The following ARHGEF9 variants were observed in gnomAD, a reference collection of about 807,000 sequenced individuals.
The protein encoded by ARHGEF9 is Cdc42 guanine nucleotide exchange factor 9, also known as rho guanine nucleotide exchange factor 9.
ARHGEF9 carries 2 observed loss-of-function variants against 41.3 expected under a neutral mutation model. That is an observed-to-expected ratio of 0.05 (90% CI 0.02 to 0.15). The LOEUF (loss-of-function observed/expected upper bound fraction) is 0.15, where lower values mean the gene tolerates loss of function less well. Ranked by LOEUF, ARHGEF9 falls within the 10% of genes least tolerant of loss-of-function variation. The probability of loss-of-function intolerance (pLI) is 1.00; values close to 1 mark genes in which losing one functional copy is unlikely to be tolerated. For missense variants in ARHGEF9, 225 were observed against 424.7 expected, an observed-to-expected ratio of 0.53 and a Z score of 4.13; for synonymous variants, 160 against 154.4, an observed-to-expected ratio of 1.04 and a Z score of -0.27.
chrX:63,668,383 C>T (rs112279726), intron 6 of ARHGEF9, among the ~76,000 whole-genome samples: 137 of 111,382 alleles, frequency 1.2e-3, no homozygotes, highest in Middle Eastern at 4.6e-3. Context: ...AGCGATCCAC[C>T]GACCTCAGCC....
rs1490998175 is a variant in ARHGEF9, at chrX:63,666,487, C to CACACACAT, written c.946-471_946-470insATGTGTGT. Among the ~76,000 whole-genome samples, 26 of 104,548 alleles carry CACACACAT rather than the reference C, an allele frequency of 2.5e-4. 1 individual carries two copies. The South Asian group carries it at 8.5e-3, about 34-fold the overall frequency. The allele number at this position is 104,548 out of a possible 115,157, so 90.8% of individuals were successfully genotyped here. A position where few individuals can be genotyped will look rare whatever the true frequency, so the allele number is the denominator to read the frequency against. ...ACACACACACACACACACACACACA[C>CACACACAT]ATATATATATTTCTCCATCTCTCTT... On this transcript the variant is annotated intron_variant, in intron 6 of 9. Transcript: ENST00000671741.
intron 4 of ARHGEF9, among the ~76,000 whole-genome samples, chrX:63,691,836 T>C (rs1443757415): frequency 9.0e-6 from 1 of 111,330 alleles, no homozygotes; most frequent in African/African-American, 3.3e-5. Flanking sequence ...CAAAAAAGCA[T>C]GGTACTGAAG....
intron 6 of ARHGEF9, chrX:63,671,387 T>G (rs1297839644): frequency 8.9e-6 from 1 of 112,154 alleles, no homozygotes; most frequent in African/African-American, 3.2e-5. Flanking sequence ...TCCCCAGCAC[T>G]CACCCACCAC....
intron 2 of ARHGEF9, among the ~76,000 whole-genome samples, chrX:63,706,756 A>G (rs2052573956): frequency 8.9e-6 from 1 of 112,272 alleles, no homozygotes; most frequent in Non-Finnish European, 1.9e-5. Flanking sequence ...CTTGAGTGCC[A>G]CATTTGGATT....
intron 1 of ARHGEF9, among the ~76,000 whole-genome samples, chrX:63,739,205 G>C (rs2054800075): frequency 8.9e-6 from 1 of 111,814 alleles, no homozygotes; most frequent in African/African-American, 3.3e-5. Context: ...AGGTGCGGGT[G>C]ACCAAGGTGG....
At chrX:63,725,222 C>T (rs1272395191) in intron 1 of ARHGEF9, among the ~76,000 whole-genome samples, 13 of 110,727 alleles carry the variant, frequency 1.2e-4, no homozygotes, top group Non-Finnish European at 2.5e-4. Context: ...CATAACATTC[C>T]TCACGCATAA....
At chrX:63,757,512 T>C (rs2055956630) in intron 1 of ARHGEF9, among the ~76,000 whole-genome samples, 1 of 111,950 alleles carries the variant, frequency 8.9e-6, no homozygotes, top group Non-Finnish European at 1.9e-5. Context: ...AGTCACACAC[T>C]GAGCTTGCCA....
chrX:63,636,789 C>G lies in ARHGEF9; in HGVS notation c.*1239G>C. 1 of 297,062 alleles carries G rather than the reference C, an allele frequency of 3.4e-6. No homozygotes were observed. The highest frequency in any genetic ancestry group is 5.9e-6 in the Non-Finnish European group (1 of 170,026). 24.5% of individuals were successfully genotyped at this position (297,062 alleles called of 1,213,427 possible). A position where few individuals can be genotyped will look rare whatever the true frequency, so the allele number is the denominator to read the frequency against. ...ATCTCTTTCCATTCCCATCCCTGTTCTTTCTTGTAAAAGGTTACTATCAGA... is the reference window on the plus strand; with the variant it reads ...ATCTCTTTCCATTCCCATCCCTGTTGTTTCTTGTAAAAGGTTACTATCAGA... On this transcript the variant is annotated 3_prime_UTR_variant, in exon 10 of 10. Coordinates refer to ENST00000671741, the MANE Select transcript of ARHGEF9 (RefSeq NM_001353921.2).
At chrX:63,744,799 C>T (rs1556431593) in intron 1 of ARHGEF9, among the ~76,000 whole-genome samples, 3 of 112,297 alleles carry the variant, frequency 2.7e-5, no homozygotes, top group Non-Finnish European at 3.8e-5. Context: ...TCTAAATTTA[C>T]AAGACATGAA....
At chrX:63,757,979 G>T (rs2055965107) in intron 1 of ARHGEF9, among the ~76,000 whole-genome samples, 2 of 112,447 alleles carry the variant, frequency 1.8e-5, no homozygotes, top group Non-Finnish European at 3.7e-5. Flanking sequence ...GTATTTAGAA[G>T]GAGGTGGTTG....
intron 4 of ARHGEF9, among the ~76,000 whole-genome samples, chrX:63,690,575 T>C (rs111937665): frequency 0.027 from 2,972 of 111,488 alleles, 95 homozygotes; most frequent in African/African-American, 0.092. Context: ...GAACTGATAA[T>C]AATTCTATGC....
chrX:63,695,618 A>G (rs1455516069), intron 4 of ARHGEF9, among the ~76,000 whole-genome samples: 2 of 111,999 alleles, frequency 1.8e-5, no homozygotes, highest in East Asian at 5.7e-4. Context: ...GAGTTATCGT[A>G]TCAGGCCTGA....
At chrX:63,651,369 G>T (rs1412781362) in intron 8 of ARHGEF9, among the ~76,000 whole-genome samples, 1 of 111,153 alleles carries the variant, frequency 9.0e-6, no homozygotes, top group Non-Finnish European at 1.9e-5. Flanking sequence ...CTTGATACAA[G>T]AAATGACAAA....
At position 63,638,035 on chromosome X, in the gene ARHGEF9, T is replaced by C. The variant is rs1556300736; in HGVS notation, c.1565A>G (p.Lys522Arg). Residue 522 changes from lysine to arginine, a missense_variant, in exon 10 of 10, where the codon AAA becomes AGA. Coordinates refer to ENST00000671741, the MANE Select transcript of ARHGEF9 (RefSeq NM_001353921.2). Reference sequence around the variant, plus strand: ...TCTGCCTCCCTGTAGGTATCATTTTTTGAAGGGGGTTAACCTGCTGAAGTT... The same window carrying C: ...TCTGCCTCCCTGTAGGTATCATTTTCTGAAGGGGGTTAACCTGCTGAAGTT... The part of the protein sequence containing the change: ...WQNFSRLTPF[K>R]K 1 of 1,209,496 alleles carries C rather than the reference T, an allele frequency of 8.3e-7. No homozygotes were observed.
chrX:63,748,751 G>A (rs1348466080), intron 1 of ARHGEF9, among the ~76,000 whole-genome samples: 1 of 111,867 alleles, frequency 8.9e-6, no homozygotes, highest in Admixed American at 9.4e-5. Context: ...CCTGGCATGG[G>A]TATTTAAAAA....
At chrX:63,650,959 G>T (rs782328359) in intron 8 of ARHGEF9, among the ~76,000 whole-genome samples, 1 of 110,287 alleles carries the variant, frequency 9.1e-6, no homozygotes, top group South Asian at 3.9e-4. Context: ...AAATCCAGAG[G>T]AAATGAACAA....
intron 1 of ARHGEF9, among the ~76,000 whole-genome samples, chrX:63,764,848 C>T (rs1397452918): frequency 9.0e-6 from 1 of 111,392 alleles, no homozygotes; most frequent in Non-Finnish European, 1.9e-5. Flanking sequence ...GGGAGAATAG[C>T]TAATGGATGC....
chrX:63,674,629 C>T (rs782111637), intron 5 of ARHGEF9, among the ~76,000 whole-genome samples: 1 of 111,555 alleles, frequency 9.0e-6, no homozygotes, highest in Admixed American at 9.5e-5. Context: ...GTGTCTGTTC[C>T]CATACATCTT....
At chrX:63,768,005 C>T (rs1354142031) in intron 1 of ARHGEF9, among the ~76,000 whole-genome samples, 1 of 112,122 alleles carries the variant, frequency 8.9e-6, no homozygotes, top group Non-Finnish European at 1.9e-5. Flanking sequence ...ATTTCAGTAG[C>T]TTTTGGAGAA....
Sources: gnomAD v4.1 joint callset for allele counts (sites outside exome capture counted in the v4.1 genomes callset) on GRCh38, gnomAD v4.1.1 for gene constraint, MANE v1.5 for transcripts, NCBI Gene and HGNC (gene_info 2026-07-23, HGNC 2026-07-21) for gene names.